Variants in CDC14B observed in about 807,000 individuals in gnomAD.
The protein encoded by CDC14B is dual specificity protein phosphatase CDC14B.
In CDC14B, 22 loss-of-function variants were observed where a neutral mutation model predicts 64.2. That is an observed-to-expected ratio of 0.34 (90% CI 0.24 to 0.49). The LOEUF (loss-of-function observed/expected upper bound fraction) is 0.49, where lower values mean the gene tolerates loss of function less well. Among genes scored for constraint, CDC14B ranks in the 20% least tolerant of loss-of-function variants. CDC14B has a pLI of 0.99. For synonymous variants in CDC14B, 191 were observed against 215.8 expected, an observed-to-expected ratio of 0.89 and a Z score of 1.01; for missense variants, 498 against 629.9, an observed-to-expected ratio of 0.79 and a Z score of 2.24.
chr9:96,549,483 G>A (rs1841476148), intron 5 of CDC14B, among the ~76,000 whole-genome samples: 1 of 151,994 alleles, frequency 6.6e-6, no homozygotes, highest in South Asian at 2.1e-4. Flanking sequence ...GGCCAACATG[G>A]TGAAACCCCA....
chr9:96,557,555 G>C (rs979593464), intron 4 of CDC14B, among the ~76,000 whole-genome samples: 1 of 152,188 alleles, frequency 6.6e-6, no homozygotes, highest in African/African-American at 2.4e-5. Context: ...AGATTCAAAA[G>C]ATCATCATTA....
At chr9:96,559,906 A>C (rs1347430467) in intron 4 of CDC14B, among the ~76,000 whole-genome samples, 1 of 152,236 alleles carries the variant, frequency 6.6e-6, no homozygotes, top group Non-Finnish European at 1.5e-5. Flanking sequence ...TCCAAAATAC[A>C]ACCATAAACA....
At chr9:96,493,665 A>G (rs1312522099) in intron 13 of CDC14B, among the ~76,000 whole-genome samples, 1 of 152,158 alleles carries the variant, frequency 6.6e-6, no homozygotes, top group African/African-American at 2.4e-5. Context: ...CCATGTCTCT[A>G]CAATAAATTT....
chr9:96,562,243 TG>T (rs17840741), intron 4 of CDC14B, among the ~76,000 whole-genome samples: 36 of 152,248 alleles, frequency 2.4e-4, no homozygotes, highest in African/African-American at 7.9e-4. Context: ...AGGGGAAAAA[TG>T]CCTAGATTCA....
intron 5 of CDC14B, among the ~76,000 whole-genome samples, chr9:96,548,462 CAAT>C (rs1170874315): frequency 1.3e-5 from 2 of 151,894 alleles, no homozygotes; most frequent in African/African-American, 4.8e-5. Flanking sequence ...TAATATAACT[CAAT>C]AAGAAATCAT....
rs1414826493 is a variant in CDC14B at position 96,501,247 on chromosome 9, G to C, written c.*2506C>G. ...ATTTTGAGTCCCCAGAAAGCTTCAA[G>C]AGCACCTAAAAATATTCACTTCCAA... On this transcript the variant is annotated 3_prime_UTR_variant, in exon 14 of 14. Transcript: ENST00000375241. 3 of 152,226 alleles carry C rather than the reference G, an allele frequency of 2.0e-5. No individual in the cohort carries two copies. In the South Asian group the frequency reaches 6.2e-4, roughly 32 times the overall value. The allele number at this position is 152,226 out of a possible 1,614,324, so 9.4% of individuals were successfully genotyped here.
At chr9:96,564,730 A>C in intron 3 of CDC14B, 47 bp downstream of exon 3, 1 of 1,147,368 alleles carries the variant, frequency 8.7e-7, no homozygotes, top group Non-Finnish European at 1.3e-6. Context: ...TTCGTCCCCC[A>C]GATCAAGCTA....
chr9:96,493,820 A>C (rs1048173982), intron 13 of CDC14B, among the ~76,000 whole-genome samples: 39 of 152,270 alleles, frequency 2.6e-4, no homozygotes, highest in African/African-American at 8.9e-4. Flanking sequence ...GAAAAACTTC[A>C]TCTCTTAAAA....
At chr9:96,496,440 T>G (rs1166136275), downstream of CDC14B, 1 of 450,154 alleles carries the variant, frequency 2.2e-6, no homozygotes, top group Non-Finnish European at 4.5e-6. Context: ...CTTGAGTTTG[T>G]GTGGACGGCA....
intron 5 of CDC14B, among the ~76,000 whole-genome samples, chr9:96,542,502 T>A (rs553885356): frequency 2.2e-4 from 34 of 152,090 alleles, no homozygotes; most frequent in Non-Finnish European, 3.5e-4. Context: ...GTTTTTTTTT[T>A]AAACTTTTTT....
chr9:96,503,276 C>A lies in CDC14B; in HGVS notation c.*477G>T. On this transcript the variant is annotated 3_prime_UTR_variant, in exon 14 of 14. Coordinates refer to ENST00000375241, the MANE Select transcript of CDC14B (RefSeq NM_033331.4). ...AATAGTCAAGTGAAGATGATTAAGC[C>A]AAATAGTATCAAATTACAGAAAGTA... is the stretch of plus-strand genomic sequence containing the variant. The A allele has an allele frequency of 4.8e-6, 1 of 206,702 alleles. No individual in the cohort carries two copies. The allele number at this position is 206,702 out of a possible 1,614,324, so 12.8% of individuals were successfully genotyped here. A position where few individuals can be genotyped will look rare whatever the true frequency, so the allele number is the denominator to read the frequency against.
At chr9:96,557,850 A>G (rs978504222) in intron 4 of CDC14B, among the ~76,000 whole-genome samples, 5 of 152,246 alleles carry the variant, frequency 3.3e-5, no homozygotes, top group Admixed American at 6.5e-5. Flanking sequence ...GCAAATTTGC[A>G]AGCTACGTGC....
At chr9:96,561,789 A>G (rs1260287176) in intron 4 of CDC14B, among the ~76,000 whole-genome samples, 1 of 151,926 alleles carries the variant, frequency 6.6e-6, no homozygotes, top group Non-Finnish European at 1.5e-5. Flanking sequence ...GCCCGGCCAA[A>G]ACAACCCTTT....
chr9:96,558,149 AG>A (rs1387619516), intron 4 of CDC14B, among the ~76,000 whole-genome samples: 1 of 152,170 alleles, frequency 6.6e-6, no homozygotes, highest in Non-Finnish European at 1.5e-5. Flanking sequence ...GAGGCTGGGA[AG>A]GGCGTGTGTG....
intron 4 of CDC14B, among the ~76,000 whole-genome samples, chr9:96,560,313 G>T (rs73654899): frequency 0.052 from 7,921 of 152,198 alleles, 699 homozygotes; most frequent in African/African-American, 0.18. Flanking sequence ...CTTTGTCCAG[G>T]TCAGTGTAAA....
intron 1 of CDC14B, among the ~76,000 whole-genome samples, chr9:96,585,761 A>G (rs1315370234): frequency 1.3e-5 from 2 of 152,218 alleles, no homozygotes; most frequent in Non-Finnish European, 2.9e-5. Flanking sequence ...ACTCCTAAGT[A>G]TATATCTAAG....
rs1835529313 is a variant in CDC14B at position 96,515,648 on chromosome 9, C to G, written c.1344-5859G>C. The G allele has an allele frequency of 6.4e-7, 1 of 1,565,042 alleles. No individual in the cohort carries two copies. Among genetic ancestry groups the G allele is most frequent in the Non-Finnish European group, 8.7e-7 (1 of 1,155,410 alleles). On this transcript the variant is annotated intron_variant, in intron 12 of 13. Transcript: ENST00000375241. This position sits in a 1 kb window ranked among gnomAD's most constrained non-coding sequence, Gnocchi z 4.3. ...GCAGAGAAACAGAACGGGACACTTA[C>G]AGCAGCTATCTGTCAGGGGGTCCTG...
chr9:96,523,628 T>C lies in CDC14B; in HGVS notation c.1044A>G (p.Arg348=). The change falls in exon 10 of 14, where the codon AGA becomes AGG. Residue 348 remains arginine (R), a synonymous_variant. Transcript: ENST00000375241. The stretch of plus-strand genomic sequence containing the variant: ...GCTGAGGCCCAATCACCGAGCCAGG[T>C]CTGCAGATCCTGACCCACGCAATGG... ...AETIAWVRIC[R]PGSVIGPQQQ... is the part of the protein sequence containing the mutation. The C allele has an allele frequency of 6.2e-7, 1 of 1,614,026 alleles. No individual in the cohort carries two copies. The highest frequency in any genetic ancestry group is 8.5e-7 in the Non-Finnish European group (1 of 1,179,994).
At chr9:96,536,504 T>C (rs73542470) in intron 7 of CDC14B, among the ~76,000 whole-genome samples, 110 of 152,348 alleles carry the variant, frequency 7.2e-4, no homozygotes, top group African/African-American at 2.5e-3. Context: ...TAAATGTACG[T>C]TGTACTTTAG....
Sources: allele counts gnomAD v4.1 joint callset (sites outside exome capture counted in the v4.1 genomes callset), GRCh38; gene constraint gnomAD v4.1.1; non-coding constraint Gnocchi (gnomAD v3.1); transcripts MANE v1.5; gene names NCBI Gene and HGNC (gene_info 2026-07-23, HGNC 2026-07-21).